Variants in DOCK2 observed in about 807,000 individuals in gnomAD.
DOCK2 encodes the protein dedicator of cytokinesis 2.
In DOCK2, 87 loss-of-function variants were observed where a neutral mutation model predicts 248.9. The observed-to-expected ratio is 0.35, with a 90% CI of 0.29 to 0.42. The LOEUF (loss-of-function observed/expected upper bound fraction) is 0.42, where lower values mean the gene tolerates loss of function less well. DOCK2 is among the 10% of genes least tolerant of loss of function. The pLI is 1.00. For missense variants in DOCK2, 1,747 were observed against 2,300.2 expected (o/e 0.76, Z 4.92); for synonymous variants, 805 against 821.6 (o/e 0.98, Z 0.35).
chr5:169,674,927 C>T (rs1161259063), intron 6 of DOCK2, among the ~76,000 whole-genome samples: 1 of 152,162 alleles, frequency 6.6e-6, no homozygotes. Context: ...GATTTGAATG[C>T]TATGAAGTTA....
At chr5:169,889,168 A>G (rs1037867293) in intron 27 of DOCK2, among the ~76,000 whole-genome samples, 1 of 152,368 alleles carries the variant, frequency 6.6e-6, no homozygotes, top group South Asian at 2.1e-4. Context: ...TTAGCTTCTA[A>G]GACATGGAAT....
chr5:169,908,620 T>C (rs1360420362), intron 27 of DOCK2, among the ~76,000 whole-genome samples: 1 of 152,144 alleles, frequency 6.6e-6, no homozygotes, highest in Non-Finnish European at 1.5e-5. Context: ...TATGGAATCA[T>C]GACCAATGTT....
chr5:169,948,467 A>ATC (rs888843805), intron 27 of DOCK2, among the ~76,000 whole-genome samples: 1 of 150,918 alleles, frequency 6.6e-6, no homozygotes, highest in Non-Finnish European at 1.5e-5. Flanking sequence ...CATCCCCTAC[A>ATC]TCTCTCTCTC....
chr5:169,889,645 G>T (rs762105447), intron 27 of DOCK2, among the ~76,000 whole-genome samples: 4 of 152,134 alleles, frequency 2.6e-5, no homozygotes, highest in Non-Finnish European at 5.9e-5. Context: ...TTCTTTAAAG[G>T]GCCAGATAGT....
chr5:169,660,557 C>T (rs1014237729), intron 2 of DOCK2, among the ~76,000 whole-genome samples: 1 of 152,164 alleles, frequency 6.6e-6, no homozygotes, highest in Non-Finnish European at 1.5e-5. Flanking sequence ...GTTGGTTTGG[C>T]TGCAAAAGCT....
chr5:170,050,448 C>G, intron 41 of DOCK2, 51 bp downstream of exon 41: 2 of 1,561,428 alleles, frequency 1.3e-6, no homozygotes, highest in Non-Finnish European at 1.7e-6. Context: ...GCAGCCCTGC[C>G]AGGGCTGCAG....
chr5:169,644,939 C>T (rs538702090), intron 1 of DOCK2, among the ~76,000 whole-genome samples: 1 of 152,246 alleles, frequency 6.6e-6, no homozygotes, highest in Non-Finnish European at 1.5e-5. Flanking sequence ...ATGATGGCTT[C>T]CAGCTTTATC....
At chr5:169,676,506 A>T (rs1287452602) in intron 6 of DOCK2, among the ~76,000 whole-genome samples, 1 of 152,082 alleles carries the variant, frequency 6.6e-6, no homozygotes, top group Non-Finnish European at 1.5e-5. Flanking sequence ...ACAGACTGAG[A>T]CCTCAAGCTC....
intron 19 of DOCK2, among the ~76,000 whole-genome samples, chr5:169,714,683 C>G (rs539821120): frequency 7.6e-4 from 115 of 152,212 alleles, no homozygotes; most frequent in Middle Eastern, 3.4e-3. Context: ...TGGTTATGCT[C>G]AATCTCTGGA....
chr5:169,689,647 C>G (rs1760181432), intron 9 of DOCK2, among the ~76,000 whole-genome samples: 1 of 152,206 alleles, frequency 6.6e-6, no homozygotes, highest in Admixed American at 6.5e-5. Context: ...GAACTGGGCA[C>G]AACAGCAATT....
At chr5:169,724,435 C>T (rs771876330) in intron 22 of DOCK2, among the ~76,000 whole-genome samples, 30 of 152,270 alleles carry the variant, frequency 2.0e-4, no homozygotes, top group Middle Eastern at 3.4e-3. Context: ...AGCTCACACT[C>T]CTTGGGAACA....
At chr5:169,888,076 C>T (rs184793687) in intron 27 of DOCK2, among the ~76,000 whole-genome samples, 29 of 152,184 alleles carry the variant, frequency 1.9e-4, no homozygotes, top group South Asian at 1.2e-3. Flanking sequence ...AATAGTCAAA[C>T]GAATGTGGAA....
chr5:169,737,709 G>T (rs543194493), intron 22 of DOCK2, among the ~76,000 whole-genome samples: 5 of 152,200 alleles, frequency 3.3e-5, no homozygotes, highest in Non-Finnish European at 7.3e-5. Context: ...ACTGGGTTCT[G>T]AGAGAACCCA....
intron 27 of DOCK2, among the ~76,000 whole-genome samples, chr5:169,955,792 G>A (rs1267556363): frequency 6.6e-6 from 1 of 152,158 alleles, no homozygotes; most frequent in Non-Finnish European, 1.5e-5. Context: ...CTTTAGCAAA[G>A]TACCAACACA....
Position 169,717,473 on chromosome 5 carries a change from C to T in DOCK2, c.2121C>T (p.Thr707=). 6.2e-7 allele frequency: 1 copy of T among 1,613,790 alleles called. No homozygotes were observed. The highest frequency in any genetic ancestry group is 8.5e-7 in the Non-Finnish European group (1 of 1,179,754). The change falls in exon 21 of 52, where the codon ACC becomes ACT. Residue 707 remains threonine, a synonymous_variant. Transcript: ENST00000520908. ...ACATCCAACAGCATTTCAGTGCGAC[C>T]TTGGCTTACAAGTAAGTAATTGTGC... The part of the protein sequence containing the change: ...EAYIQQHFSA[T]LAYKKLMTVL...
At chr5:169,762,378 A>C (rs1391861912) in intron 25 of DOCK2, among the ~76,000 whole-genome samples, 1 of 152,128 alleles carries the variant, frequency 6.6e-6, no homozygotes, top group Non-Finnish European at 1.5e-5. Flanking sequence ...TTTTTGGGAG[A>C]TCATGGAATG....
Position 169,673,397 on chromosome 5 carries a change from A to ATT in DOCK2, c.322-894_322-893dup, listed in dbSNP as rs199660899. The stretch of plus-strand genomic sequence containing the variant: ...AAAAATCAAGTGTGTATATATATAT[A>ATT]TTTTTTTGTTGTTGTTTTTTTAATT... On this transcript the variant is annotated intron_variant, in intron 5 of 51. Transcript: ENST00000520908. 9.3e-3 allele frequency among the ~76,000 whole-genome samples: 1,422 copies of ATT among 152,092 alleles called. 20 individuals are homozygous for ATT. The highest frequency in any genetic ancestry group is 0.032 in the African/African-American group (1,342 of 41,474).
chr5:169,784,249 A>C (rs1292238106), intron 25 of DOCK2, among the ~76,000 whole-genome samples: 1 of 152,186 alleles, frequency 6.6e-6, no homozygotes, highest in African/African-American at 2.4e-5. Flanking sequence ...AAATGCAATC[A>C]ACAACCACAC....
intron 27 of DOCK2, among the ~76,000 whole-genome samples, chr5:169,968,651 G>A (rs932645742): frequency 1.6e-4 from 24 of 152,212 alleles, no homozygotes; most frequent in African/African-American, 5.3e-4. Context: ...CAGAGAGACT[G>A]AGTCTTCGAA....
Sources: gnomAD v4.1 joint callset for allele counts (sites outside exome capture counted in the v4.1 genomes callset) on GRCh38, gnomAD v4.1.1 for gene constraint, MANE v1.5 for transcripts, NCBI Gene and HGNC (gene_info 2026-07-23, HGNC 2026-07-21) for gene names.